The following IGF1R variants were observed in gnomAD, a reference collection of about 807,000 sequenced individuals.
IGF1R encodes the protein insulin like growth factor 1 receptor.
Under a neutral mutation model 144.6 loss-of-function variants are expected in IGF1R, and 44 were observed. That is an observed-to-expected ratio of 0.30 (90% CI 0.24 to 0.39). IGF1R has a LOEUF of 0.39. Among genes scored for constraint, IGF1R ranks in the 10% least tolerant of loss-of-function variants. The pLI is 1.00. For missense variants in IGF1R, 1,355 were observed against 1,833.7 expected (o/e 0.74, Z 4.77); for synonymous variants, 795 against 722.8 (o/e 1.10, Z -1.60).
chr15:98,653,965 A>C (rs753613503), intron 1 of IGF1R, among the ~76,000 whole-genome samples: 2 of 152,202 alleles, frequency 1.3e-5, no homozygotes, highest in Non-Finnish European at 2.9e-5. Context: ...TTGTGCACCT[A>C]CTGTATGAAA....
At chr15:98,813,999 A>G (rs1365156002) in intron 2 of IGF1R, among the ~76,000 whole-genome samples, 1 of 152,226 alleles carries the variant, frequency 6.6e-6, no homozygotes, top group Non-Finnish European at 1.5e-5. Flanking sequence ...ACCTCAGTTC[A>G]TGTTTTTTAC....
intron 6 of IGF1R, among the ~76,000 whole-genome samples, chr15:98,911,089 A>G (rs2014993135): frequency 6.6e-6 from 1 of 152,190 alleles, no homozygotes; most frequent in African/African-American, 2.4e-5. Context: ...CTGGGCAAGT[A>G]GCCAGCGTAA....
rs2151708956 is a variant in IGF1R, at chr15:98,935,696, T to C, written c.3297+270T>C. On this transcript the variant is annotated intron_variant, in intron 17 of 20. Transcript: ENST00000650285. This position sits in a 1 kb window ranked among gnomAD's most constrained non-coding sequence, Gnocchi z 4.2. The stretch of plus-strand genomic sequence containing the variant: ...GTTCCTGCATTCCCTCCACCCCCAG[T>C]CCCCTCCCCACATCAGTGTCCACCT... Among the ~76,000 whole-genome samples the C allele has an allele frequency of 6.6e-6, 1 of 151,154 alleles. No individual in the cohort carries two copies. The highest frequency in any genetic ancestry group is 2.4e-5 in the African/African-American group (1 of 41,064).
intron 9 of IGF1R, 153 bp from the exon 10 acceptor site, chr15:98,916,519 C>A: frequency 1.3e-6 from 1 of 762,008 alleles, no homozygotes; most frequent in Non-Finnish European, 2.3e-6. Context: ...GCCTCGGCCT[C>A]CCAAAGTGCT....
rs1359075978 is a variant in IGF1R, at chr15:98,960,825, C to CT, written c.*3385dup. The CT allele has an allele frequency of 4.3e-6, 1 of 233,736 alleles. No homozygotes were observed. Among genetic ancestry groups the CT allele is most frequent in the Non-Finnish European group, 8.5e-6 (1 of 118,162 alleles). 14.5% of individuals were successfully genotyped at this position (233,736 alleles called of 1,614,324 possible). On this transcript the variant is annotated 3_prime_UTR_variant, in exon 21 of 21. Coordinates refer to ENST00000650285, the MANE Select transcript of IGF1R (RefSeq NM_000875.5). ...GCCCTCTCAACTTCTCCCTCACCTC[C>CT]TTCCCTAGGGGTAGACAGAGATGTA...
At chr15:98,829,996 G>C (rs1483521939) in intron 2 of IGF1R, among the ~76,000 whole-genome samples, 1 of 152,194 alleles carries the variant, frequency 6.6e-6, no homozygotes, top group Non-Finnish European at 1.5e-5. Context: ...TCCACCATTA[G>C]TATGTTAAAA....
intron 2 of IGF1R, among the ~76,000 whole-genome samples, chr15:98,869,742 T>C (rs1596378134): frequency 6.6e-6 from 1 of 152,204 alleles, no homozygotes; most frequent in African/African-American, 2.4e-5. Context: ...CTTGAGATTC[T>C]TGTAAGCCAA....
intron 9 of IGF1R, 63 bp from the exon 10 acceptor site, chr15:98,916,609 C>A: frequency 1.5e-6 from 2 of 1,373,986 alleles, no homozygotes; most frequent in Non-Finnish European, 2.1e-6. Context: ...TATTATTTTT[C>A]CTTACAAGCA....
intron 2 of IGF1R, among the ~76,000 whole-genome samples, chr15:98,808,274 C>A (rs1220288741): frequency 2.6e-5 from 4 of 152,160 alleles, no homozygotes; most frequent in Non-Finnish European, 5.9e-5. Context: ...TGAAATAGCT[C>A]TTTATTAATT....
intron 6 of IGF1R, 60 bp downstream of exon 6, chr15:98,908,959 TC>T: frequency 6.8e-7 from 1 of 1,468,812 alleles, no homozygotes; most frequent in Non-Finnish European, 9.4e-7. Flanking sequence ...CAGACCCTCC[TC>T]CCATGTGTGA....
chr15:98,733,404 G>C (rs1265780015), intron 2 of IGF1R, among the ~76,000 whole-genome samples: 1 of 151,944 alleles, frequency 6.6e-6, no homozygotes, highest in East Asian at 1.9e-4. Flanking sequence ...ATAGAGATGG[G>C]GTCTTGGGCT....
At chr15:98,779,748 G>A (rs933948002) in intron 2 of IGF1R, among the ~76,000 whole-genome samples, 6 of 152,198 alleles carry the variant, frequency 3.9e-5, no homozygotes, top group South Asian at 2.1e-4. Flanking sequence ...AGCCGAGTCC[G>A]AGGCTGGAGC....
chr15:98,754,830 A>G (rs1417058822), intron 2 of IGF1R, among the ~76,000 whole-genome samples: 3 of 152,228 alleles, frequency 2.0e-5, no homozygotes, highest in Non-Finnish European at 4.4e-5. Flanking sequence ...GCTCCTAGAG[A>G]CTAAAGAACT....
At chr15:98,747,924 A>T (rs2054909601) in intron 2 of IGF1R, among the ~76,000 whole-genome samples, 1 of 152,178 alleles carries the variant, frequency 6.6e-6, no homozygotes, top group African/African-American at 2.4e-5. Context: ...ACTGATTTAC[A>T]TATATTTCAT....
At chr15:98,706,746 T>C (rs1351430170) in intron 1 of IGF1R, among the ~76,000 whole-genome samples, 1 of 152,174 alleles carries the variant, frequency 6.6e-6, no homozygotes, top group African/African-American at 2.4e-5. Context: ...CTTACCTTCA[T>C]TTATAGAGAG....
chr15:98,869,233 C>T (rs2012636368), intron 2 of IGF1R, among the ~76,000 whole-genome samples: 1 of 152,056 alleles, frequency 6.6e-6, no homozygotes, highest in South Asian at 2.1e-4. Context: ...ATTGGACTTA[C>T]TTGCTTTCCA....
chr15:98,910,187 C>T (rs549439788), intron 6 of IGF1R, among the ~76,000 whole-genome samples: 1 of 152,176 alleles, frequency 6.6e-6, no homozygotes, highest in African/African-American at 2.4e-5. Context: ...TGACGACCAG[C>T]GCCGCCTCCC....
intron 11 of IGF1R, 46 bp from the exon 12 acceptor site, chr15:98,923,830 C>T: frequency 6.3e-7 from 1 of 1,581,576 alleles, no homozygotes; most frequent in Non-Finnish European, 8.7e-7. Context: ...TGGCCTCCCT[C>T]CCTGGGAACC....
chr15:98,899,675 C>T, intron 5 of IGF1R, 54 bp downstream of exon 5: 2 of 1,569,002 alleles, frequency 1.3e-6, no homozygotes, highest in South Asian at 1.1e-5. Flanking sequence ...AAGCAGCGTG[C>T]TTATGAAACT....
Sources: allele counts gnomAD v4.1 joint callset (sites outside exome capture counted in the v4.1 genomes callset), GRCh38; gene constraint gnomAD v4.1.1; non-coding constraint Gnocchi (gnomAD v3.1); transcripts MANE v1.5; gene names NCBI Gene and HGNC (gene_info 2026-07-23, HGNC 2026-07-21).